Variants in NEGR1 observed in about 807,000 individuals in gnomAD.
The protein encoded by NEGR1 is IgLON family member 4.
NEGR1 carries 10 observed loss-of-function variants against 40.9 expected under a neutral mutation model. That is an observed-to-expected ratio of 0.24 (90% CI 0.15 to 0.42). The LOEUF (loss-of-function observed/expected upper bound fraction) is 0.42. Among genes scored for constraint, NEGR1 ranks in the 10% least tolerant of loss-of-function variants. The pLI is 1.00. For synonymous variants in NEGR1, 185 were observed against 166.8 expected (o/e 1.11, Z -0.84); for missense variants, 352 against 438.9 (o/e 0.80, Z 1.77).
At position 72,099,637 on chromosome 1, in the gene NEGR1, A is replaced by G. The variant is rs941354995; in HGVS notation, c.177-164326T>C. On this transcript the variant is annotated intron_variant, in intron 1 of 6. Coordinates refer to ENST00000357731, the MANE Select transcript of NEGR1 (RefSeq NM_173808.3). ...TGAAAACTTTTCTCCTCACAGGTCT[A>G]ATATTTATTTTGCACAGTAATTTGC... Among the ~76,000 whole-genome samples the G allele has an allele frequency of 2.6e-5, 4 of 152,104 alleles. No homozygotes were observed. In the South Asian group the frequency reaches 8.3e-4, roughly 32 times the overall value.
Position 71,406,948 on chromosome 1 carries a change from A to G in NEGR1, c.*498T>C, listed in dbSNP as rs1055562189. 5.9e-5 allele frequency: 9 copies of G among 152,550 alleles called. No individual in the cohort carries two copies. The highest frequency in any genetic ancestry group is 1.9e-4 in the African/African-American group (8 of 41,424). 9.4% of individuals were successfully genotyped at this position (152,550 alleles called of 1,614,324 possible). On this transcript the variant is annotated 3_prime_UTR_variant, in exon 7 of 7. Transcript: ENST00000357731. ...GAGCAGAAAAATCTAGATATGTGTT[A>G]TATTTTGAAGAAATAATCTGAAGGC...
Position 71,871,237 on chromosome 1 carries a change from A to C in NEGR1, c.409+63842T>G, listed in dbSNP as rs185524665. On this transcript the variant is annotated intron_variant, in intron 2 of 6. Transcript: ENST00000357731. ...AATGCAGGTGACATATTAGGCTGAG[A>C]TGTAAAAAGACATAGCTCTAGGGGT... 7.8e-4 allele frequency among the ~76,000 whole-genome samples: 119 copies of C among 152,282 alleles called. 1 individual carries two copies. The highest frequency in any genetic ancestry group is 2.6e-3 in the African/African-American group (109 of 41,576).
rs772639835 is a variant in NEGR1, at chr1:71,812,643, G to C, written c.410-36346C>G. ...CAGTTTTGTTTTGCATTTTTCTAAT[G>C]ATCTGTGATGTTGCACTTCTTTTCA... is the stretch of plus-strand genomic sequence containing the variant. On this transcript the variant is annotated intron_variant, in intron 2 of 6. Transcript: ENST00000357731. Among the ~76,000 whole-genome samples the C allele has an allele frequency of 2.0e-5, 3 of 152,104 alleles. No homozygotes were observed. In the South Asian group the frequency reaches 6.2e-4, roughly 31 times the overall value.
chr1:71,511,343 G>T (rs183810052), intron 6 of NEGR1, among the ~76,000 whole-genome samples: 28 of 152,306 alleles, frequency 1.8e-4, no homozygotes, highest in African/African-American at 6.3e-4. Flanking sequence ...GAGTTTTTAA[G>T]ACAGTGATAG....
chr1:71,505,331 G>A (rs1349243330), intron 6 of NEGR1, among the ~76,000 whole-genome samples: 4 of 151,682 alleles, frequency 2.6e-5, no homozygotes, highest in African/African-American at 7.3e-5. Context: ...TCTTTCGCCG[G>A]AGTGCAGTGG....
At chr1:71,605,954 A>G (rs887739522) in intron 5 of NEGR1, among the ~76,000 whole-genome samples, 1 of 152,230 alleles carries the variant, frequency 6.6e-6, no homozygotes, top group African/African-American at 2.4e-5. Context: ...TAGATAATGC[A>G]TGAGAGAGAC....
At chr1:71,966,023 T>C (rs995766272) in intron 1 of NEGR1, among the ~76,000 whole-genome samples, 3 of 152,194 alleles carry the variant, frequency 2.0e-5, no homozygotes, top group Admixed American at 2.0e-4. Flanking sequence ...AATAACCATG[T>C]GCTAAACATT....
At chr1:71,629,406 T>C (rs1650898874) in intron 4 of NEGR1, among the ~76,000 whole-genome samples, 1 of 152,112 alleles carries the variant, frequency 6.6e-6, no homozygotes, top group Non-Finnish European at 1.5e-5. Context: ...CTTCTCTTAT[T>C]TCCTTGAGCA....
Position 71,630,752 on chromosome 1 carries a change from A to G in NEGR1, c.668-19606T>C, listed in dbSNP as rs139140194. ...TGTTTCCAGGGCATTTTAAATGCAT[A>G]ATTTATAAAAACCAAAAATGGTGAA... On this transcript the variant is annotated intron_variant, in intron 4 of 6. Transcript: ENST00000357731. Among the ~76,000 whole-genome samples the G allele has an allele frequency of 5.3e-5, 8 of 152,072 alleles. No individual in the cohort carries two copies. The East Asian group carries it at 1.6e-3, about 30-fold the overall frequency.
Position 72,029,642 on chromosome 1 carries a change from G to T in NEGR1, c.177-94331C>A, listed in dbSNP as rs576822446. Among the ~76,000 whole-genome samples the T allele has an allele frequency of 3.9e-5, 6 of 152,252 alleles. No homozygotes were observed. In the South Asian group the frequency reaches 8.3e-4, roughly 21 times the overall value. On this transcript the variant is annotated intron_variant, in intron 1 of 6. Coordinates refer to ENST00000357731, the MANE Select transcript of NEGR1 (RefSeq NM_173808.3). ...ACAGAAAACAATGTGCTGAATTGAA[G>T]AATTATTCGAACTTTTACATTGTGC... is the stretch of plus-strand genomic sequence containing the variant.
intron 4 of NEGR1, among the ~76,000 whole-genome samples, chr1:71,671,015 C>G (rs781475127): frequency 3.3e-5 from 5 of 152,126 alleles, no homozygotes; most frequent in Non-Finnish European, 7.4e-5. Flanking sequence ...CACTTTGTCA[C>G]TGTTGGACAC....
At position 72,044,606 on chromosome 1, in the gene NEGR1, C is replaced by G. The variant is rs1262077200; in HGVS notation, c.177-109295G>C. Among the ~76,000 whole-genome samples the G allele has an allele frequency of 3.3e-5, 5 of 151,778 alleles. No individual in the cohort carries two copies. The East Asian group carries it at 7.7e-4, about 24-fold the overall frequency. On this transcript the variant is annotated intron_variant, in intron 1 of 6. Transcript: ENST00000357731. ...TGAATCATTAAAAGTATCGCACTGA[C>G]AAACCAAAAATAGAGTATCATAAAA... is the stretch of plus-strand genomic sequence containing the variant.
intron 1 of NEGR1, among the ~76,000 whole-genome samples, chr1:71,954,147 G>A (rs919801044): frequency 5.3e-5 from 8 of 151,902 alleles, no homozygotes; most frequent in African/African-American, 1.9e-4. Flanking sequence ...ATGAATAAGA[G>A]CTGTCGACAT....
In NEGR1 at chr1:72,282,307, C is replaced by T; in HGVS notation, c.176+12G>A. Reference sequence around the variant, plus strand: ...ACCGAAACAAGTACGAAAAGCACGCCGTTCTTCCTACCTAAGCACCGCCGT... The same window carrying T: ...ACCGAAACAAGTACGAAAAGCACGCTGTTCTTCCTACCTAAGCACCGCCGT... On this transcript the variant is annotated intron_variant, in intron 1 of 6. Coordinates refer to ENST00000357731, the MANE Select transcript of NEGR1 (RefSeq NM_173808.3). 1 of 1,613,210 alleles carries T rather than the reference C, an allele frequency of 6.2e-7. No homozygotes were observed. Among genetic ancestry groups the T allele is most frequent in the Non-Finnish European group, 8.5e-7 (1 of 1,179,372 alleles).
At chr1:72,255,076 CT>C (rs1165783436) in intron 1 of NEGR1, among the ~76,000 whole-genome samples, 2 of 152,164 alleles carry the variant, frequency 1.3e-5, no homozygotes, top group African/African-American at 4.8e-5. Flanking sequence ...TTAAGTCAGT[CT>C]GTCAATTCTA....
At chr1:71,580,570 T>C (rs1277905538) in intron 6 of NEGR1, among the ~76,000 whole-genome samples, 2 of 152,160 alleles carry the variant, frequency 1.3e-5, no homozygotes, top group East Asian at 3.8e-4. Flanking sequence ...GAGGTCATTA[T>C]ATAGATTTGG....
intron 4 of NEGR1, among the ~76,000 whole-genome samples, chr1:71,654,553 C>T (rs979354972): frequency 2.6e-5 from 4 of 152,080 alleles, no homozygotes; most frequent in Non-Finnish European, 5.9e-5. Flanking sequence ...TGTGACTTAA[C>T]TCACATTGAT....
intron 6 of NEGR1, among the ~76,000 whole-genome samples, chr1:71,553,827 T>C (rs111867041): frequency 0.016 from 2,466 of 151,662 alleles, 59 homozygotes; most frequent in African/African-American, 0.056. Flanking sequence ...TGTGTAGATA[T>C]AGCACAAATA....
chr1:71,660,702 C>A (rs11209813), intron 4 of NEGR1, among the ~76,000 whole-genome samples: 3,374 of 152,080 alleles, frequency 0.022, 125 homozygotes, highest in African/African-American at 0.076. Flanking sequence ...GCTTTTTCTT[C>A]TTATTATTAT....
Sources: gnomAD v4.1 joint callset for allele counts (sites outside exome capture counted in the v4.1 genomes callset) on GRCh38, gnomAD v4.1.1 for gene constraint, MANE v1.5 for transcripts, NCBI Gene and HGNC (gene_info 2026-07-23, HGNC 2026-07-21) for gene names.